The following GALNT13 variants were observed in gnomAD, a reference collection of about 807,000 sequenced individuals.
The protein encoded by GALNT13 is polypeptide N-acetylgalactosaminyltransferase 13.
GALNT13 carries 28 observed loss-of-function variants against 64.2 expected under a neutral mutation model. The observed-to-expected ratio is 0.44, with a 90% CI of 0.32 to 0.60. The LOEUF (loss-of-function observed/expected upper bound fraction) is 0.60, where lower values mean the gene tolerates loss of function less well. GALNT13 is among the 20% of genes least tolerant of loss of function. The pLI, the probability that GALNT13 is intolerant of heterozygous loss-of-function variation, is 0.05. For missense variants in GALNT13, 577 were observed against 669.8 expected, an observed-to-expected ratio of 0.86 and a Z score of 1.53; for synonymous variants, 214 against 224.6, an observed-to-expected ratio of 0.95 and a Z score of 0.42.
At chr2:154,080,259 C>G (rs973732353) in intron 3 of GALNT13, among the ~76,000 whole-genome samples, 1 of 151,390 alleles carries the variant, frequency 6.6e-6, no homozygotes, top group East Asian at 1.9e-4. Flanking sequence ...TACTCTTTTC[C>G]CATTCCCCCA....
chr2:153,853,242 C>T, the GALNT13 span, among the ~76,000 whole-genome samples: 2 of 152,062 alleles, frequency 1.3e-5, no homozygotes, highest in Admixed American at 6.6e-5. Context: ...ATTGTGCCCA[C>T]CCAGATTGGG....
intron 4 of GALNT13, among the ~76,000 whole-genome samples, chr2:154,160,972 G>A (rs1281797353): frequency 1.3e-5 from 2 of 151,968 alleles, no homozygotes; most frequent in African/African-American, 2.4e-5. Flanking sequence ...CTCACTTTTC[G>A]TACTTGCTAA....
the GALNT13 span, among the ~76,000 whole-genome samples, chr2:153,777,029 G>T: frequency 6.6e-6 from 1 of 151,578 alleles, no homozygotes; most frequent in Non-Finnish European, 1.5e-5. Context: ...TGTTTTTCCT[G>T]TTTTTTGTTT....
the GALNT13 span, among the ~76,000 whole-genome samples, chr2:153,682,958 G>A: frequency 1.7e-3 from 263 of 151,768 alleles, 1 homozygote; most frequent in African/African-American, 6.1e-3. Flanking sequence ...TATAGTGATT[G>A]TTTCTAAATG....
the GALNT13 span, among the ~76,000 whole-genome samples, chr2:153,856,587 G>A: frequency 5.9e-5 from 9 of 152,140 alleles, no homozygotes; most frequent in African/African-American, 1.9e-4. Context: ...AGGTAAATCC[G>A]AACTGAATGC....
the GALNT13 span, among the ~76,000 whole-genome samples, chr2:153,195,532 C>G: frequency 2.0e-5 from 3 of 152,336 alleles, no homozygotes; most frequent in East Asian, 3.9e-4. Flanking sequence ...GCTTCTCCAG[C>G]TGGCACCAGT....
At chr2:153,475,882 C>T in the GALNT13 span, among the ~76,000 whole-genome samples, 1 of 152,198 alleles carries the variant, frequency 6.6e-6, no homozygotes, top group African/African-American at 2.4e-5. Flanking sequence ...TTGTGTCTCC[C>T]TTTGAAACAT....
At chr2:154,213,830 A>G (rs1439126511) in intron 4 of GALNT13, among the ~76,000 whole-genome samples, 2 of 152,184 alleles carry the variant, frequency 1.3e-5, no homozygotes, top group Non-Finnish European at 2.9e-5. Flanking sequence ...GTATTTACCT[A>G]AAATCAATTC....
chr2:153,778,293 G>T, the GALNT13 span, among the ~76,000 whole-genome samples: 12 of 152,190 alleles, frequency 7.9e-5, 1 homozygote, highest in Admixed American at 7.8e-4. Context: ...GGGCATGGCA[G>T]GCCAGGGTGG....
the GALNT13 span, among the ~76,000 whole-genome samples, chr2:153,700,733 C>T: frequency 6.6e-6 from 1 of 152,104 alleles, no homozygotes; most frequent in African/African-American, 2.4e-5. Flanking sequence ...GAACGATCCC[C>T]TATCCACAAT....
chr2:154,189,789 G>A (rs1025275047), intron 4 of GALNT13, among the ~76,000 whole-genome samples: 1 of 152,054 alleles, frequency 6.6e-6, no homozygotes, highest in Non-Finnish European at 1.5e-5. Context: ...CTACTATGGT[G>A]GAGTAGGATA....
intron 2 of GALNT13, among the ~76,000 whole-genome samples, chr2:153,907,564 T>C (rs1688662644): frequency 6.6e-6 from 1 of 151,858 alleles, no homozygotes; most frequent in African/African-American, 2.4e-5. Flanking sequence ...CCACCCTCTA[T>C]CCTAAGGTAG....
At chr2:153,761,619 C>A in the GALNT13 span, 1 of 152,342 alleles carries the variant, frequency 6.6e-6, no homozygotes. Flanking sequence ...GGAGTTTACC[C>A]AACTAAGAGA....
At chr2:153,787,609 A>G in the GALNT13 span, among the ~76,000 whole-genome samples, 1,908 of 152,328 alleles carry the variant, frequency 0.013, 42 homozygotes, top group African/African-American at 0.042. Context: ...TGCTGAAAAT[A>G]CAGAACTGGA....
chr2:153,420,451 G>A, the GALNT13 span, among the ~76,000 whole-genome samples: 2 of 152,018 alleles, frequency 1.3e-5, no homozygotes, highest in Non-Finnish European at 2.9e-5. Context: ...AAAAAATATA[G>A]CAAATATGAT....
At chr2:154,086,163 T>G (rs989970863) in intron 3 of GALNT13, among the ~76,000 whole-genome samples, 7 of 148,212 alleles carry the variant, frequency 4.7e-5, no homozygotes, top group Non-Finnish European at 7.4e-5. Context: ...ATAGAATACA[T>G]ATAATACATT....
At chr2:153,786,104 A>G in the GALNT13 span, among the ~76,000 whole-genome samples, 1 of 151,756 alleles carries the variant, frequency 6.6e-6, no homozygotes, top group Non-Finnish European at 1.5e-5. Flanking sequence ...CTCACTTCTC[A>G]CTGGGCAGGG....
At chr2:153,316,143 CA>C in the GALNT13 span, among the ~76,000 whole-genome samples, 1 of 150,692 alleles carries the variant, frequency 6.6e-6, no homozygotes, top group African/African-American at 2.4e-5. Context: ...AAAAAGAAAA[CA>C]AAAAAAAGAC....
chr2:153,617,102 T>C, the GALNT13 span, among the ~76,000 whole-genome samples: 1 of 152,000 alleles, frequency 6.6e-6, no homozygotes. Context: ...CAGTGCTGCA[T>C]TGAATAACAG....
Sources: gnomAD v4.1 joint callset for allele counts (sites outside exome capture counted in the v4.1 genomes callset) on GRCh38, gnomAD v4.1.1 for gene constraint, MANE v1.5 for transcripts, NCBI Gene and HGNC (gene_info 2026-07-23, HGNC 2026-07-21) for gene names.